KIF14: variants seen among roughly 807,000 people sequenced by gnomAD.
KIF14 encodes the protein kinesin family member 14.
In KIF14, 98 loss-of-function variants were observed where a neutral mutation model predicts 176.2. That is an observed-to-expected ratio of 0.56 (90% confidence interval 0.47 to 0.66). The LOEUF (loss-of-function observed/expected upper bound fraction) is 0.66. Ranked by LOEUF, KIF14 falls within the 30% of genes least tolerant of loss-of-function variation. The probability of loss-of-function intolerance (pLI) is 0.00; values close to 1 mark genes in which losing one functional copy is unlikely to be tolerated. For synonymous variants in KIF14, 566 were observed against 632.2 expected, an observed-to-expected ratio of 0.90 and a Z score of 1.57; for missense variants, 1,751 against 1,920.4, an observed-to-expected ratio of 0.91 and a Z score of 1.65.
At chr1:200,555,255 A>G (rs878857689) in intron 28 of KIF14, 125 bp downstream of exon 28, 1 of 619,166 alleles carries the variant, frequency 1.6e-6, no homozygotes, top group Admixed American at 3.6e-5. Flanking sequence ...ACATGCTACA[A>G]TTAGACATAT....
chr1:200,605,136 T>C (rs747911094), intron 8 of KIF14, 147 bp downstream of exon 8: 31 of 705,732 alleles, frequency 4.4e-5, no homozygotes, highest in Admixed American at 2.0e-4. Context: ...GTATTTACTA[T>C]CTTGCCTGTG....
At position 200,581,299 on chromosome 1, in the gene KIF14, T is replaced by A; in HGVS notation, c.3242-5A>T. On this transcript the variant is annotated splice_region_variant and splice_polypyrimidine_tract_variant and intron_variant, in intron 19 of 29. Transcript: ENST00000367350. ...TAGAGCTCCAAGTTGTCTGCACTAA[T>A]ACAAAGCACACAGAAAAGATTCAAA... The A allele has an allele frequency of 6.4e-7, 1 of 1,560,568 alleles. No individual in the cohort carries two copies. The highest frequency in any genetic ancestry group is 8.7e-7 in the Non-Finnish European group (1 of 1,147,436).
rs111464505 is a variant in KIF14, at chr1:200,566,031, C to T, written c.3662-362G>A. ...TTTCAAACAAATGTTTTATTGCAAG[C>T]ATATTATAGGATCACTGATCAATAA... On this transcript the variant is annotated intron_variant, in intron 23 of 29. Coordinates refer to ENST00000367350, the MANE Select transcript of KIF14 (RefSeq NM_014875.3). Among the ~76,000 whole-genome samples the T allele has an allele frequency of 3.3e-3, 504 of 152,226 alleles. 5 individuals are homozygous for T. Among genetic ancestry groups the T allele is most frequent in the African/African-American group, 0.012 (484 of 41,556 alleles).
chr1:200,580,170 AC>A, intron 21 of KIF14, 83 bp downstream of exon 21: 1 of 710,198 alleles, frequency 1.4e-6, no homozygotes, highest in Non-Finnish European at 2.0e-6. Flanking sequence ...TTATATATAT[AC>A]TTTTTTCACC....
At chr1:200,568,812 G>A (rs1657610220) in intron 23 of KIF14, among the ~76,000 whole-genome samples, 1 of 151,836 alleles carries the variant, frequency 6.6e-6, no homozygotes, top group South Asian at 2.1e-4. Flanking sequence ...TTTTGGATCT[G>A]GCTTCTTTCA....
At chr1:200,555,314 T>A in intron 28 of KIF14, 66 bp downstream of exon 28, 7 of 1,007,986 alleles carry the variant, frequency 6.9e-6, no homozygotes, top group Non-Finnish European at 1.1e-5. Context: ...TAAAAATATC[T>A]ACATTTGAAC....
intron 23 of KIF14, 77 bp downstream of exon 23, chr1:200,569,834 G>T: frequency 1.3e-6 from 1 of 751,828 alleles, no homozygotes; most frequent in South Asian, 2.3e-5. Flanking sequence ...ATTTGCACAC[G>T]GATAAGAAAA....
intron 27 of KIF14, among the ~76,000 whole-genome samples, chr1:200,556,064 T>C (rs1031733280): frequency 3.9e-5 from 6 of 152,220 alleles, no homozygotes; most frequent in Admixed American, 1.3e-4. Flanking sequence ...TATAGTCCTA[T>C]GCTGCCCATT....
chr1:200,608,747 T>C, intron 5 of KIF14, 83 bp downstream of exon 5: 1 of 779,528 alleles, frequency 1.3e-6, no homozygotes, highest in East Asian at 2.7e-5. Context: ...AACTTTAAGC[T>C]ATACCATCCA....
At chr1:200,599,306 T>C (rs143530581) in intron 13 of KIF14, among the ~76,000 whole-genome samples, 26 of 152,342 alleles carry the variant, frequency 1.7e-4, no homozygotes, top group African/African-American at 6.3e-4. Context: ...TATGATCTCA[T>C]ATAAACTGCT....
intron 23 of KIF14, among the ~76,000 whole-genome samples, chr1:200,568,807 G>C (rs1043428631): frequency 1.3e-5 from 2 of 152,112 alleles, no homozygotes; most frequent in African/African-American, 2.4e-5. Flanking sequence ...TACTCTTTTG[G>C]ATCTGGCTTC....
intron 16 of KIF14, 108 bp from the exon 17 acceptor site, chr1:200,590,380 T>G: frequency 2.1e-6 from 2 of 952,050 alleles, no homozygotes; most frequent in Non-Finnish European, 3.0e-6. Flanking sequence ...GTTTCAATCT[T>G]AAAACTTGAT....
Position 200,552,419 on chromosome 1 carries a change from C to T in KIF14, c.*969G>A, listed in dbSNP as rs1656583487. 1 of 151,820 alleles carries T rather than the reference C, an allele frequency of 6.6e-6. No individual in the cohort carries two copies. The highest frequency in any genetic ancestry group is 2.4e-5 in the African/African-American group (1 of 41,330). 9.4% of individuals were successfully genotyped at this position (151,820 alleles called of 1,614,324 possible). On this transcript the variant is annotated 3_prime_UTR_variant, in exon 30 of 30. Coordinates refer to ENST00000367350, the MANE Select transcript of KIF14 (RefSeq NM_014875.3). ...ACAAATTATTTCATTATACCTTTAA[C>T]AAAACAAGCATTATCAAGAGAAGGT...
Position 200,617,717 on chromosome 1 carries a change from G to A in KIF14, c.1007C>T (p.Pro336Leu). 1.2e-6 allele frequency: 2 copies of A among 1,614,106 alleles called. No homozygotes were observed. The change falls in exon 2 of 30, where the codon CCC becomes CTC. Residue 336 changes from proline to leucine, a missense_variant. Physicochemically the swap from Pro to Leu is moderately conservative, Grantham distance 98 (BLOSUM62 -3). Transcript: ENST00000367350. ...GTTCTGAACTACAGTTTCTTCTTCG[G>A]GAAGAATTGTATTTTCTGCGGATCT... ...QERSAENTIL[P>L]EEETVVQNTS...
intron 23 of KIF14, among the ~76,000 whole-genome samples, chr1:200,566,275 CTT>C (rs1657444105): frequency 6.9e-6 from 1 of 144,114 alleles, no homozygotes; most frequent in Admixed American, 7.0e-5. Context: ...ATTTTCTTTT[CTT>C]TCTTTCTTTT....
intron 5 of KIF14, among the ~76,000 whole-genome samples, chr1:200,607,645 G>A (rs1352730740): frequency 6.6e-6 from 1 of 152,142 alleles, no homozygotes; most frequent in East Asian, 1.9e-4. Context: ...TTTTGTTTAA[G>A]TTTCTTGATG....
chr1:200,604,933 CATG>C (rs1383806136), intron 8 of KIF14, among the ~76,000 whole-genome samples: 5 of 151,962 alleles, frequency 3.3e-5, no homozygotes, highest in East Asian at 1.9e-4. Flanking sequence ...TCAATGTTAT[CATG>C]ATAACAAGCA....
At chr1:200,600,566 G>T in intron 11 of KIF14, 63 bp from the exon 12 acceptor site, 1 of 1,131,104 alleles carries the variant, frequency 8.8e-7, no homozygotes, top group Non-Finnish European at 1.3e-6. Flanking sequence ...TCCACAGTAA[G>T]CATAATCCTC....
intron 19 of KIF14, among the ~76,000 whole-genome samples, chr1:200,582,711 G>T (rs530952178): frequency 4.6e-5 from 7 of 151,890 alleles, no homozygotes; most frequent in Non-Finnish European, 1.0e-4. Flanking sequence ...TTAGTCAGGC[G>T]TGGTAGCGGA....
Sources: gnomAD v4.1 joint callset for allele counts (sites outside exome capture counted in the v4.1 genomes callset) on GRCh38, gnomAD v4.1.1 for gene constraint, MANE v1.5 for transcripts, NCBI Gene and HGNC (gene_info 2026-07-23, HGNC 2026-07-21) for gene names.